The following RAP1A variants were observed in gnomAD, a reference collection of about 807,000 sequenced individuals.
RAP1A encodes ras-related protein Rap-1A.
Under a neutral mutation model 26.4 loss-of-function variants are expected in RAP1A, and 6 were observed. That is an observed-to-expected ratio of 0.23 (90% CI 0.12 to 0.45). The LOEUF is 0.45. Ranked by LOEUF, RAP1A falls within the 20% of genes least tolerant of loss-of-function variation. RAP1A has a pLI of 0.99. For synonymous variants in RAP1A, 73 were observed against 79.4 expected (o/e 0.92, Z 0.43); for missense variants, 121 against 217.2 (o/e 0.56, Z 2.78).
At chr1:111,549,616 C>T (rs1571457907) in intron 1 of RAP1A, among the ~76,000 whole-genome samples, 1 of 150,148 alleles carries the variant, frequency 6.7e-6, no homozygotes, top group South Asian at 2.1e-4. Context: ...TGCCACTGCA[C>T]TCCAGCCTGG....
At chr1:111,556,315 A>G (rs61788212) in intron 1 of RAP1A, among the ~76,000 whole-genome samples, 54,598 of 152,112 alleles carry the variant, frequency 0.36, 10,426 homozygotes, top group Non-Finnish European at 0.43. Context: ...ATTATTGTGC[A>G]CTGCTGATGT....
At chr1:111,703,913 C>T (rs1404565005) in intron 5 of RAP1A, among the ~76,000 whole-genome samples, 3 of 152,216 alleles carry the variant, frequency 2.0e-5, no homozygotes, top group African/African-American at 7.2e-5. Flanking sequence ...ATCTTCCCAC[C>T]TCAACCCCCT....
intron 1 of RAP1A, among the ~76,000 whole-genome samples, chr1:111,558,351 TA>T (rs1336788616): frequency 2.8e-4 from 27 of 96,880 alleles, no homozygotes; most frequent in African/African-American, 1.5e-3. Context: ...CTAATTTTTC[TA>T]TTTTTTTTTT....
At chr1:111,678,003 T>A (rs750498234) in intron 1 of RAP1A, among the ~76,000 whole-genome samples, 1 of 152,224 alleles carries the variant, frequency 6.6e-6, no homozygotes, top group Non-Finnish European at 1.5e-5. Flanking sequence ...TTTCCCTGAT[T>A]TGTATGTTTG....
intron 1 of RAP1A, among the ~76,000 whole-genome samples, chr1:111,592,864 T>C (rs993071276): frequency 1.3e-5 from 2 of 152,140 alleles, no homozygotes; most frequent in African/African-American, 2.4e-5. Flanking sequence ...GTTTTGGCTC[T>C]GCGTGGCTCT....
Position 111,563,827 on chromosome 1 carries a change from A to G in RAP1A, c.-28+21318A>G, listed in dbSNP as rs201099993. 232 of 1,602,216 alleles carry G rather than the reference A, an allele frequency of 1.4e-4. 1 individual carries two copies. The African/African-American group carries it at 2.9e-3, about 20-fold the overall frequency. Reference sequence around the variant, plus strand: ...CCAACCTCTGCCTCCCAGCAGCTATATTTTCTGCTATGACTCACTGTGACT... The same window carrying G: ...CCAACCTCTGCCTCCCAGCAGCTATGTTTTCTGCTATGACTCACTGTGACT... On this transcript the variant is annotated intron_variant, in intron 1 of 7. Coordinates refer to the RAP1A transcript ENST00000356415.
intron 1 of RAP1A, among the ~76,000 whole-genome samples, chr1:111,548,764 G>T (rs944600994): frequency 3.3e-5 from 5 of 152,200 alleles, no homozygotes; most frequent in African/African-American, 1.2e-4. Context: ...TCTTTGGGGC[G>T]TTGTCCCCAT....
At chr1:111,651,302 AT>A (rs1166125848) in intron 1 of RAP1A, among the ~76,000 whole-genome samples, 1 of 152,012 alleles carries the variant, frequency 6.6e-6, no homozygotes, top group Non-Finnish European at 1.5e-5. Flanking sequence ...AAGTTAATTG[AT>A]TATAATTTTG....
intron 1 of RAP1A, among the ~76,000 whole-genome samples, chr1:111,587,266 G>A (rs1609633): frequency 0.092 from 13,976 of 152,008 alleles, 808 homozygotes; most frequent in East Asian, 0.23. Context: ...GCTCTCTCAC[G>A]CATTCTCTTT....
chr1:111,644,037 T>A (rs530699935), intron 1 of RAP1A, among the ~76,000 whole-genome samples: 6 of 152,190 alleles, frequency 3.9e-5, no homozygotes, highest in Admixed American at 6.5e-5. Context: ...CCTACTCACA[T>A]TATTGACGAT....
chr1:111,668,327 C>A (rs1428290589), intron 1 of RAP1A, among the ~76,000 whole-genome samples: 1 of 152,106 alleles, frequency 6.6e-6, no homozygotes, highest in Non-Finnish European at 1.5e-5. Flanking sequence ...CTGAATTGGA[C>A]CCCCATTGAC....
At chr1:111,597,784 C>A (rs548718820) in intron 1 of RAP1A, among the ~76,000 whole-genome samples, 3 of 152,276 alleles carry the variant, frequency 2.0e-5, no homozygotes, top group Non-Finnish European at 4.4e-5. Flanking sequence ...ACCAGCAACA[C>A]TCAACAGGGG....
intron 1 of RAP1A, among the ~76,000 whole-genome samples, chr1:111,681,309 A>G (rs762826446): frequency 7.9e-5 from 12 of 152,032 alleles, no homozygotes; most frequent in Non-Finnish European, 1.5e-4. Flanking sequence ...AAGGATCACA[A>G]CTCCTCCCCA....
In RAP1A at chr1:111,705,521, A is replaced by G. The variant is rs764278584; in HGVS notation, c.468+1035A>G. The stretch of plus-strand genomic sequence containing the variant: ...GCTTGCTTCAACTTCTGTATTTTAC[A>G]GATAATCAAGAATGCCAAAGCTTGT... On this transcript the variant is annotated intron_variant, in intron 6 of 7. Transcript: ENST00000369709. 1.3e-3 allele frequency among the ~76,000 whole-genome samples: 193 copies of G among 152,238 alleles called. 2 individuals are homozygous for G. Among genetic ancestry groups the G allele is most frequent in the Non-Finnish European group, 2.2e-4 (15 of 68,044 alleles).
At chr1:111,573,265 G>A (rs6537708) in intron 1 of RAP1A, among the ~76,000 whole-genome samples, 2,179 of 152,242 alleles carry the variant, frequency 0.014, 39 homozygotes, top group African/African-American at 0.049. Context: ...TATATACTGA[G>A]TAATGGGACA....
In RAP1A at chr1:111,715,399, T is replaced by C. The variant is rs1217568202; in HGVS notation, c.*2998T>C. ...GGCCCGGTTAATACTTTCATAAGCA[T>C]TGAAGTAACTATTTAAGTCCTAGTA... On this transcript the variant is annotated 3_prime_UTR_variant, in exon 8 of 8. Coordinates refer to ENST00000369709, the MANE Select transcript of RAP1A (RefSeq NM_002884.4). 6.6e-6 allele frequency: 1 copy of C among 151,548 alleles called. No homozygotes were observed. The highest frequency in any genetic ancestry group is 2.4e-5 in the African/African-American group (1 of 40,894). 9.4% of individuals were successfully genotyped at this position (151,548 alleles called of 1,614,324 possible).
chr1:111,584,493 C>T (rs1368546548), intron 1 of RAP1A, among the ~76,000 whole-genome samples: 1 of 152,078 alleles, frequency 6.6e-6, no homozygotes, highest in African/African-American at 2.4e-5. Context: ...CACCCTCAAG[C>T]CTCTTTTATA....
chr1:111,675,657 A>G (rs985025680), intron 1 of RAP1A, among the ~76,000 whole-genome samples: 2 of 152,170 alleles, frequency 1.3e-5, no homozygotes, highest in Non-Finnish European at 2.9e-5. Flanking sequence ...GACACCTAGT[A>G]CAGAACTGGT....
chr1:111,595,601 A>G (rs1385237182), intron 1 of RAP1A, among the ~76,000 whole-genome samples: 1 of 152,168 alleles, frequency 6.6e-6, no homozygotes, highest in Non-Finnish European at 1.5e-5. Context: ...CTCATTTCTT[A>G]TTGGAGCATT....
Sources: gnomAD v4.1 joint callset for allele counts (sites outside exome capture counted in the v4.1 genomes callset) on GRCh38, gnomAD v4.1.1 for gene constraint, MANE v1.5 for transcripts, NCBI Gene and HGNC (gene_info 2026-07-23, HGNC 2026-07-21) for gene names.